Variants in PRMT8 observed in about 807,000 individuals in gnomAD.
PRMT8 encodes the protein protein arginine methyltransferase 8.
A neutral mutation model predicts 47.1 loss-of-function variants in PRMT8; 7 were observed. That is an observed-to-expected ratio of 0.15 (90% confidence interval 0.08 to 0.28). The LOEUF is 0.28. Ranked by LOEUF, PRMT8 falls within the 10% of genes least tolerant of loss-of-function variation. The probability of loss-of-function intolerance (pLI) is 1.00; values close to 1 mark genes in which losing one functional copy is unlikely to be tolerated. For synonymous variants in PRMT8, 188 were observed against 186.5 expected, an observed-to-expected ratio of 1.01 and a Z score of -0.07; for missense variants, 237 against 505.4, an observed-to-expected ratio of 0.47 and a Z score of 5.09.
chr12:3,398,038 G>GGT (rs1864277388), intron 1 of PRMT8, among the ~76,000 whole-genome samples: 1 of 152,212 alleles, frequency 6.6e-6, no homozygotes, highest in Non-Finnish European at 1.5e-5. Context: ...CGCTTCCCGA[G>GGT]GAGGCAATGC....
In PRMT8 at chr12:3,392,556, G is replaced by A. The variant is rs1391501135; in HGVS notation, c.48+11114G>A. 1.8e-3 allele frequency among the ~76,000 whole-genome samples: 278 copies of A among 150,642 alleles called. 1 individual carries two copies. The highest frequency in any genetic ancestry group is 6.4e-3 in the African/African-American group (263 of 40,988). ...GGACATGAACTCATCATTTTTTATG[G>A]CTGCATAGTATTCCATGGTGTATAT... On this transcript the variant is annotated intron_variant, in intron 1 of 9. Coordinates refer to the PRMT8 transcript ENST00000452611.
At chr12:3,419,579 C>G (rs1244815494) in intron 1 of PRMT8, among the ~76,000 whole-genome samples, 4 of 152,272 alleles carry the variant, frequency 2.6e-5, no homozygotes, top group Non-Finnish European at 5.9e-5. Context: ...TCACCAAGAC[C>G]TTGAATTCCT....
chr12:3,386,411 A>G (rs1244885566), intron 1 of PRMT8, among the ~76,000 whole-genome samples: 1 of 152,232 alleles, frequency 6.6e-6, no homozygotes, highest in Non-Finnish European at 1.5e-5. Context: ...CGTTCCTCTT[A>G]CTTTTCATGC....
intron 8 of PRMT8, among the ~76,000 whole-genome samples, chr12:3,585,152 TAAG>T: frequency 6.6e-6 from 1 of 152,262 alleles, no homozygotes; most frequent in Admixed American, 6.5e-5. Flanking sequence ...CAAATTGCTC[TAAG>T]AAGTGTATGA....
chr12:3,491,758 C>T, intron 1 of PRMT8, 58 bp downstream of exon 1: 4 of 1,535,526 alleles, frequency 2.6e-6, no homozygotes, highest in Non-Finnish European at 3.5e-6. Context: ...CGGACCACCG[C>T]GCCGCCGCCG....
intron 1 of PRMT8, among the ~76,000 whole-genome samples, chr12:3,521,497 C>T (rs964550812): frequency 6.6e-6 from 1 of 152,076 alleles, no homozygotes; most frequent in African/African-American, 2.4e-5. Context: ...TCACTTGAAC[C>T]CGGAAGGTAG....
rs918109273 is a variant in PRMT8, at chr12:3,491,245, C to T, written c.-381C>T. On this transcript the variant is annotated 5_prime_UTR_variant, in exon 1 of 10. Coordinates refer to ENST00000382622, the MANE Select transcript of PRMT8 (RefSeq NM_019854.5). ...GGCAGAAGTTGAGAGGAGTTGGCGG[C>T]TGCCTCCGGCCGGCCGGACTTTGCG... 2.3e-4 allele frequency: 231 copies of T among 1,018,908 alleles called. No individual in the cohort carries two copies. Among genetic ancestry groups the T allele is most frequent in the Non-Finnish European group, 2.7e-4 (226 of 851,828 alleles). The allele number at this position is 1,018,908 out of a possible 1,614,324, so 63.1% of individuals were successfully genotyped here.
rs1591612120 is a variant in PRMT8 at position 3,577,072 on chromosome 12, C to T, written c.828+86C>T. On this transcript the variant is annotated intron_variant, in intron 7 of 9. Coordinates refer to ENST00000382622, the MANE Select transcript of PRMT8 (RefSeq NM_019854.5). ...AGTCCAGGCAATGCCGGCTCCTGCA[C>T]AGCCCCCACCTGGTGAGGCAAGGCT... The T allele has an allele frequency of 5.4e-6, 6 of 1,120,714 alleles. No individual in the cohort carries two copies. In the East Asian group the frequency reaches 9.4e-5, roughly 18 times the overall value. 69.4% of individuals were successfully genotyped at this position (1,120,714 alleles called of 1,614,324 possible).
chr12:3,390,778 T>C (rs539050764), intron 1 of PRMT8, among the ~76,000 whole-genome samples: 13 of 152,328 alleles, frequency 8.5e-5, no homozygotes, highest in Non-Finnish European at 1.6e-4. Context: ...CATGGTCATG[T>C]CATTCATTCC....
At chr12:3,578,515 G>A (rs1022017507) in intron 7 of PRMT8, among the ~76,000 whole-genome samples, 1 of 152,118 alleles carries the variant, frequency 6.6e-6, no homozygotes. Flanking sequence ...GTGCTACCAC[G>A]CCCAGCCCAG....
chr12:3,485,348 A>T (rs752340805), intron 1 of PRMT8, among the ~76,000 whole-genome samples: 5 of 152,198 alleles, frequency 3.3e-5, no homozygotes, highest in Admixed American at 2.0e-4. Flanking sequence ...TTGGGTAGGA[A>T]AGGGAAAGAT....
At chr12:3,577,109 A>C (rs1866959867) in intron 7 of PRMT8, 123 bp downstream of exon 7, 1 of 765,916 alleles carries the variant, frequency 1.3e-6, no homozygotes, top group South Asian at 1.7e-5. Context: ...CCTTGGCCAG[A>C]GCCTGTGATG....
rs1039285027 is a variant in PRMT8 at position 3,566,317 on chromosome 12, C to T, written c.482-2389C>T. Among the ~76,000 whole-genome samples the T allele has an allele frequency of 2.6e-5, 4 of 152,188 alleles. No individual in the cohort carries two copies. Among genetic ancestry groups the T allele is most frequent in the African/African-American group, 9.7e-5 (4 of 41,434 alleles). On this transcript the variant is annotated intron_variant, in intron 4 of 9. Transcript: ENST00000382622. This position sits in a 1 kb window ranked among gnomAD's most constrained non-coding sequence, Gnocchi z 4.7. ...CCTGGGCCCTGCTCTCAGTTGAGTT[C>T]CTGCCCTGGGGTCTCTGAGACCCAG...
intron 1 of PRMT8, among the ~76,000 whole-genome samples, chr12:3,445,945 G>T (rs944914276): frequency 2.0e-5 from 3 of 152,084 alleles, no homozygotes; most frequent in African/African-American, 7.2e-5. Flanking sequence ...TTGGTAGGGG[G>T]TACCCATATG....
intron 1 of PRMT8, among the ~76,000 whole-genome samples, chr12:3,477,689 G>A (rs1434324244): frequency 6.6e-6 from 1 of 152,176 alleles, no homozygotes; most frequent in South Asian, 2.1e-4. Flanking sequence ...GATTGTTGGT[G>A]CTTTTTCCTT....
intron 1 of PRMT8, among the ~76,000 whole-genome samples, chr12:3,464,105 T>C (rs564130838): frequency 6.6e-6 from 1 of 152,250 alleles, no homozygotes; most frequent in South Asian, 2.1e-4. Flanking sequence ...TTTAGCGACC[T>C]TTGAGAGCAA....
intron 1 of PRMT8, among the ~76,000 whole-genome samples, chr12:3,520,516 G>A (rs926354802): frequency 6.6e-6 from 1 of 152,096 alleles, no homozygotes; most frequent in Non-Finnish European, 1.5e-5. Context: ...AGAATAAAAA[G>A]GCATCAAACT....
chr12:3,592,973 C>A, intron 9 of PRMT8, 126 bp from the exon 10 acceptor site: 1 of 727,664 alleles, frequency 1.4e-6, no homozygotes, highest in Non-Finnish European at 2.4e-6. Context: ...ACCCCTTAGC[C>A]AGAAAGCCTT....
chr12:3,583,247 C>T lies in PRMT8; in HGVS notation c.979+39C>T. 2 of 1,576,014 alleles carry T rather than the reference C, an allele frequency of 1.3e-6. No homozygotes were observed. The highest frequency in any genetic ancestry group is 8.6e-7 in the Non-Finnish European group (1 of 1,159,016). On this transcript the variant is annotated intron_variant, in intron 8 of 9. Transcript: ENST00000382622. The surrounding 1 kb of genome is among the most constrained non-coding windows in gnomAD (Gnocchi z 4.7). ...TGCTTCCCAGAGCCTCCTCCCTCTC[C>T]CATGCTTCCTCAAGTCTTTGTGGGG...
Sources: gnomAD v4.1 joint callset for allele counts (sites outside exome capture counted in the v4.1 genomes callset) on GRCh38, gnomAD v4.1.1 for gene constraint, Gnocchi (gnomAD v3.1) non-coding constraint, MANE v1.5 for transcripts, NCBI Gene and HGNC (gene_info 2026-07-23, HGNC 2026-07-21) for gene names.